CEP83: variants seen among roughly 807,000 people sequenced by gnomAD.
CEP83 encodes the protein centrosomal protein of 83 kDa.
In CEP83, 70 loss-of-function variants were observed where a neutral mutation model predicts 101.9. That is an observed-to-expected ratio of 0.69 (90% confidence interval 0.57 to 0.84). The LOEUF is 0.84. CEP83 is among the 40% of genes least tolerant of loss of function. The pLI, the probability that CEP83 is intolerant of heterozygous loss-of-function variation, is 0.00. For synonymous variants in CEP83, 264 were observed against 267.9 expected (o/e 0.99, Z 0.14); for missense variants, 715 against 787.2 (o/e 0.91, Z 1.10).
the CEP83 span, chr12:94,278,062 CT>C: frequency 4.2e-5 from 19 of 455,964 alleles, no homozygotes; most frequent in East Asian, 6.9e-5. Context: ...GGAGCCCCCC[CT>C]CCCTCTGTCT....
chr12:94,312,772 T>G (rs757303955), intron 15 of CEP83, 142 bp downstream of exon 15: 176 of 1,247,960 alleles, frequency 1.4e-4, no homozygotes, highest in Middle Eastern at 5.8e-4. Flanking sequence ...AAAAAAAGGA[T>G]AGTACATTAG....
chr12:94,353,491 T>C (rs1287204783), intron 11 of CEP83, among the ~76,000 whole-genome samples: 1 of 151,962 alleles, frequency 6.6e-6, no homozygotes, highest in Non-Finnish European at 1.5e-5. Context: ...ACCACAAAGA[T>C]AAACAATTAA....
At chr12:94,437,214 T>TG (rs1370184138) in intron 1 of CEP83, among the ~76,000 whole-genome samples, 6 of 149,328 alleles carry the variant, frequency 4.0e-5, no homozygotes, top group African/African-American at 1.5e-4. Context: ...GGCATGGTGG[T>TG]GTGGGCCTGT....
chr12:94,288,998 T>G, the CEP83 span, among the ~76,000 whole-genome samples: 1 of 152,216 alleles, frequency 6.6e-6, no homozygotes, highest in Non-Finnish European at 1.5e-5. Flanking sequence ...ATGCCAGCAT[T>G]TCTCTTAGGT....
the CEP83 span, among the ~76,000 whole-genome samples, chr12:94,286,082 C>T: frequency 6.6e-6 from 1 of 152,220 alleles, no homozygotes; most frequent in Admixed American, 6.5e-5. Flanking sequence ...GTCTTCACTG[C>T]AGACATCGGC....
intron 2 of CEP83, chr12:94,425,106 AAGG>A (rs1262849440): frequency 3.8e-6 from 2 of 525,860 alleles, no homozygotes; most frequent in African/African-American, 4.2e-5. Flanking sequence ...GGGGAGGAGA[AAGG>A]AGGAGAAAAG....
chr12:94,351,288 C>T (rs537724328), intron 11 of CEP83, among the ~76,000 whole-genome samples: 20 of 152,106 alleles, frequency 1.3e-4, no homozygotes, highest in Admixed American at 5.9e-4. Flanking sequence ...GCCCTGAATC[C>T]GGTACAGGGA....
At chr12:94,302,965 T>A (rs1002124307), downstream of CEP83, among the ~76,000 whole-genome samples, 4 of 152,292 alleles carry the variant, frequency 2.6e-5, no homozygotes, top group African/African-American at 9.6e-5. Flanking sequence ...AATATCTCAG[T>A]CTCTAGGCAT....
the CEP83 span, among the ~76,000 whole-genome samples, chr12:94,300,672 T>C: frequency 6.6e-6 from 1 of 152,190 alleles, no homozygotes; most frequent in Non-Finnish European, 1.5e-5. Context: ...AGAAAATTCT[T>C]GCCCATGGCC....
At chr12:94,319,247 T>C (rs1320859500) in intron 14 of CEP83, among the ~76,000 whole-genome samples, 1 of 152,190 alleles carries the variant, frequency 6.6e-6, no homozygotes, top group Non-Finnish European at 1.5e-5. Flanking sequence ...GTGGGGTCAG[T>C]GGTAACATCC....
intron 1 of CEP83, among the ~76,000 whole-genome samples, chr12:94,440,269 T>C (rs1277623060): frequency 1.3e-5 from 2 of 152,056 alleles, no homozygotes; most frequent in Non-Finnish European, 2.9e-5. Flanking sequence ...GATGATATGA[T>C]CATATACCTA....
chr12:94,393,018 T>G (rs182824886), intron 6 of CEP83, among the ~76,000 whole-genome samples: 1 of 152,120 alleles, frequency 6.6e-6, no homozygotes, highest in Non-Finnish European at 1.5e-5. Context: ...CAGGACCAGA[T>G]GGATTCACAG....
At chr12:94,351,913 C>A (rs2060215734) in intron 11 of CEP83, among the ~76,000 whole-genome samples, 2 of 152,228 alleles carry the variant, frequency 1.3e-5, no homozygotes, top group South Asian at 2.1e-4. Context: ...GCAGAGACCA[C>A]TGAGGTACTT....
the CEP83 span, chr12:94,282,177 T>C: frequency 5.8e-6 from 4 of 689,228 alleles, no homozygotes; most frequent in African/African-American, 7.1e-5. Flanking sequence ...GGCTGATGCA[T>C]CTCTACACCT....
intron 14 of CEP83, among the ~76,000 whole-genome samples, chr12:94,314,325 A>G (rs1009534748): frequency 6.6e-6 from 1 of 152,238 alleles, no homozygotes; most frequent in Non-Finnish European, 1.5e-5. Flanking sequence ...GTAGGTCAAG[A>G]GCACTGCCAT....
At chr12:94,378,695 TG>T in intron 7 of CEP83, 95 bp downstream of exon 7, 1 of 1,309,442 alleles carries the variant, frequency 7.6e-7, no homozygotes. Context: ...AGCATTAGCT[TG>T]GGGGGCATAC....
chr12:94,349,773 T>C (rs2060117932), intron 11 of CEP83, among the ~76,000 whole-genome samples: 1 of 152,180 alleles, frequency 6.6e-6, no homozygotes, highest in Non-Finnish European at 1.5e-5. Context: ...TAGCCAGAGC[T>C]ATTAGGCAAG....
downstream of CEP83, chr12:94,307,664 G>C (rs1456540874): frequency 3.4e-5 from 5 of 144,980 alleles, no homozygotes; most frequent in African/African-American, 1.3e-4. Context: ...TAAACATTTT[G>C]ATGTAACTGT....
chr12:94,312,861 T>A, intron 15 of CEP83, 53 bp downstream of exon 15: 1 of 1,267,718 alleles, frequency 7.9e-7, no homozygotes. Context: ...AGAGACAAAG[T>A]TCTATGACAT....
Sources: allele counts gnomAD v4.1 joint callset (sites outside exome capture counted in the v4.1 genomes callset), GRCh38; gene constraint gnomAD v4.1.1; transcripts MANE v1.5; gene names NCBI Gene and HGNC (gene_info 2026-07-23, HGNC 2026-07-21).